The following CFAP96 variants were observed in gnomAD, a reference collection of about 807,000 sequenced individuals.
CFAP96 encodes the protein cilia-and flagella-associated protein 96.
the CFAP96 span, among the ~76,000 whole-genome samples, chr4:185,412,077 T>C: frequency 6.6e-6 from 1 of 151,134 alleles, no homozygotes. Flanking sequence ...AAAGTTTTGC[T>C]TCTTAAATTA....
the CFAP96 span, among the ~76,000 whole-genome samples, chr4:185,447,501 A>C: frequency 6.6e-6 from 1 of 152,120 alleles, no homozygotes; most frequent in South Asian, 2.1e-4. Context: ...TTTTCAAAAC[A>C]TTTATCTCAA....
chr4:185,440,615 G>C, the CFAP96 span: 2 of 1,535,534 alleles, frequency 1.3e-6, no homozygotes, highest in Non-Finnish European at 8.8e-7. Context: ...GGACTATTTT[G>C]ACGCTAATCC....
chr4:185,428,005 G>A, the CFAP96 span, among the ~76,000 whole-genome samples: 5 of 151,216 alleles, frequency 3.3e-5, no homozygotes, highest in East Asian at 1.9e-4. Context: ...AGAATCGCTT[G>A]AACCTGGGAA....
the CFAP96 span, among the ~76,000 whole-genome samples, chr4:185,418,069 A>C: frequency 0.32 from 7,173 of 22,664 alleles, 228 homozygotes; most frequent in Middle Eastern, 0.43. Context: ...CACACACACA[A>C]ACAACAGAAC....
the CFAP96 span, chr4:185,415,427 T>G: frequency 7.8e-7 from 1 of 1,276,910 alleles, no homozygotes; most frequent in Non-Finnish European, 1.1e-6. Flanking sequence ...AATATATCCT[T>G]AGTATAGTAA....
chr4:185,449,534 AG>A, the CFAP96 span: 1 of 1,097,542 alleles, frequency 9.1e-7, no homozygotes, highest in South Asian at 1.5e-5. Flanking sequence ...AAAAAAAAAA[AG>A]AATGTACAGG....
the CFAP96 span, among the ~76,000 whole-genome samples, chr4:185,431,233 C>T: frequency 1.2e-4 from 17 of 142,180 alleles, no homozygotes; most frequent in Admixed American, 1.2e-3. Context: ...AAAAAAAAGT[C>T]AGTGATACAG....
chr4:185,419,831 G>GT, the CFAP96 span, among the ~76,000 whole-genome samples: 1 of 152,062 alleles, frequency 6.6e-6, no homozygotes, highest in African/African-American at 2.4e-5. Flanking sequence ...ATGCACATTT[G>GT]TTTCCACTTT....
chr4:185,436,240 A>C, the CFAP96 span: 2 of 1,543,290 alleles, frequency 1.3e-6, no homozygotes, highest in Non-Finnish European at 1.7e-6. Context: ...AAAAAATTAA[A>C]TTTCTGAATT....
chr4:185,409,558 C>A, the CFAP96 span, among the ~76,000 whole-genome samples: 2 of 152,062 alleles, frequency 1.3e-5, no homozygotes, highest in Non-Finnish European at 2.9e-5. Flanking sequence ...AACCCTCACC[C>A]AACAATTAGA....
the CFAP96 span, chr4:185,444,835 A>T: frequency 1.3e-6 from 1 of 781,376 alleles, no homozygotes; most frequent in South Asian, 2.0e-5. Flanking sequence ...GTGGTATTTG[A>T]ATTAAACAGT....
chr4:185,426,483 C>T, the CFAP96 span: 2 of 152,854 alleles, frequency 1.3e-5, no homozygotes, highest in African/African-American at 4.8e-5. Flanking sequence ...AAACAGACTC[C>T]TCATCACCTC....
chr4:185,419,419 C>T, the CFAP96 span, among the ~76,000 whole-genome samples: 1 of 152,138 alleles, frequency 6.6e-6, no homozygotes, highest in African/African-American at 2.4e-5. Context: ...CATGAGCCAC[C>T]GCGCCTGGCC....
At chr4:185,423,088 G>C in the CFAP96 span, among the ~76,000 whole-genome samples, 1 of 152,142 alleles carries the variant, frequency 6.6e-6, no homozygotes, top group Non-Finnish European at 1.5e-5. Flanking sequence ...TGAACTCCTG[G>C]CCTCAAGTGA....
At chr4:185,415,738 A>C in the CFAP96 span, 1 of 1,612,726 alleles carries the variant, frequency 6.2e-7, no homozygotes, top group Non-Finnish European at 8.5e-7. Context: ...GGAGCAACAG[A>C]TATAACTGCA....
chr4:185,432,073 C>A, the CFAP96 span: 2,494 of 1,551,516 alleles, frequency 1.6e-3, 2 homozygotes, highest in Non-Finnish European at 2.1e-3. Flanking sequence ...ATTTTGATCC[C>A]CATTTTGTAA....
chr4:185,425,810 C>G, the CFAP96 span: 60 of 1,583,048 alleles, frequency 3.8e-5, no homozygotes, highest in African/African-American at 7.5e-4. Context: ...CCGCTCGTGG[C>G]GGCTGCCAAA....
chr4:185,408,571 T>G, the CFAP96 span: 3 of 915,056 alleles, frequency 3.3e-6, no homozygotes, highest in Non-Finnish European at 4.8e-6. Context: ...CCTTCACAGA[T>G]CTATGGTTTA....
At chr4:185,411,067 T>A in the CFAP96 span, among the ~76,000 whole-genome samples, 1 of 141,070 alleles carries the variant, frequency 7.1e-6, no homozygotes, top group African/African-American at 2.6e-5. Context: ...AGAGCAAAAA[T>A]TAATAAAATC....
Sources: allele counts gnomAD v4.1 joint callset (sites outside exome capture counted in the v4.1 genomes callset), GRCh38; gene constraint gnomAD v4.1.1; transcripts MANE v1.5; gene names NCBI Gene and HGNC (gene_info 2026-07-23, HGNC 2026-07-21).